The following ABCA12 variants were observed in gnomAD, a reference collection of about 807,000 sequenced individuals.
ABCA12 encodes ATP binding cassette subfamily A member 12, also known as glucosylceramide transporter ABCA12.
A neutral mutation model predicts 293.5 loss-of-function variants in ABCA12; 156 were observed. The observed-to-expected ratio is 0.53, with a 90% confidence interval of 0.47 to 0.61. The LOEUF is 0.61. Among genes scored for constraint, ABCA12 ranks in the 20% least tolerant of loss-of-function variants. ABCA12 has a pLI of 0.00. For synonymous variants in ABCA12, 1,063 were observed against 1,108.0 expected (o/e 0.96, Z 0.81); for missense variants, 2,797 against 3,090.2 (o/e 0.91, Z 2.25).
chr2:215,125,011 T>C (rs1326014964), intron 1 of ABCA12, among the ~76,000 whole-genome samples: 1 of 152,204 alleles, frequency 6.6e-6, no homozygotes, highest in African/African-American at 2.4e-5. Context: ...AGTTTCATCC[T>C]CCTACATGTG....
At position 214,931,604 on chromosome 2, in the gene ABCA12, A is replaced by G. The variant is rs1287788228; in HGVS notation, c.*1030T>C. 2 of 152,704 alleles carry G rather than the reference A, an allele frequency of 1.3e-5. No homozygotes were observed. The highest frequency in any genetic ancestry group is 6.5e-5 in the Admixed American group (1 of 15,298). 9.5% of individuals were successfully genotyped at this position (152,704 alleles called of 1,614,324 possible). ...ACAAACAGTCATGCCAAAGCTGACAAACTTGTATAGATACACACACATACA... is the reference window on the plus strand; with the variant it reads ...ACAAACAGTCATGCCAAAGCTGACAGACTTGTATAGATACACACACATACA... On this transcript the variant is annotated 3_prime_UTR_variant, in exon 53 of 53. Coordinates refer to ENST00000272895, the MANE Select transcript of ABCA12 (RefSeq NM_173076.3).
Position 215,064,167 on chromosome 2 carries a change from C to T in ABCA12, c.216G>A (p.Gln72=), listed in dbSNP as rs1229242588. ...TAGAGTCTGTGTCACAGAGTAGGGTCTGCAGGAATGGAAAGAATCCAGTAC... is the reference window on the plus strand; with the variant it reads ...TAGAGTCTGTGTCACAGAGTAGGGTTTGCAGGAATGGAAAGAATCCAGTAC... The part of the protein sequence containing the change: ...LPSTGFFPFL[Q]TLLCDTDSKC... The change falls in exon 3 of 53, where the codon CAG becomes CAA. Residue 72 remains glutamine (Q), a synonymous_variant. Transcript: ENST00000272895. 1 of 1,612,772 alleles carries T rather than the reference C, an allele frequency of 6.2e-7. No individual in the cohort carries two copies. Among genetic ancestry groups the T allele is most frequent in the South Asian group, 1.1e-5 (1 of 91,060 alleles).
intron 2 of ABCA12, among the ~76,000 whole-genome samples, chr2:215,087,182 T>C (rs1224252010): frequency 1.3e-5 from 2 of 152,144 alleles, no homozygotes; most frequent in African/African-American, 2.4e-5. Context: ...CCTCAGGTGA[T>C]GCACCCACCT....
intron 11 of ABCA12, among the ~76,000 whole-genome samples, chr2:215,021,066 G>T (rs1177871397): frequency 1.3e-5 from 2 of 152,146 alleles, no homozygotes; most frequent in Non-Finnish European, 2.9e-5. Context: ...GCCCTGGCTG[G>T]TCTCACTCTT....
intron 8 of ABCA12, chr2:215,032,157 T>C: frequency 7.8e-7 from 1 of 1,287,990 alleles, no homozygotes; most frequent in Non-Finnish European, 1.0e-6. Context: ...TGTCTGTGCA[T>C]CAAGCCACTA....
At chr2:214,935,544 C>T (rs1379125494) in intron 51 of ABCA12, among the ~76,000 whole-genome samples, 1 of 152,124 alleles carries the variant, frequency 6.6e-6, no homozygotes, top group Non-Finnish European at 1.5e-5. Flanking sequence ...CAGCTGTAAT[C>T]CCAGTGCTTT....
At chr2:215,022,151 T>C (rs376923547) in intron 11 of ABCA12, 5 of 152,338 alleles carry the variant, frequency 3.3e-5, no homozygotes, top group African/African-American at 9.6e-5. Flanking sequence ...TTTGTTTTAA[T>C]TGAGCTTTGA....
rs1698953714 is a variant in ABCA12 at position 214,956,520 on chromosome 2, A to G, written c.6233+143T>C. On this transcript the variant is annotated intron_variant, in intron 42 of 52. Coordinates refer to ENST00000272895, the MANE Select transcript of ABCA12 (RefSeq NM_173076.3). ...ATACTTTGCAGTCTATGGACTAGCA[A>G]GTGCAATGTGTTGTTAGTCATCACT... The G allele has an allele frequency of 1.1e-5, 7 of 635,436 alleles. No individual in the cohort carries two copies. The South Asian group carries it at 1.3e-4, about 12-fold the overall frequency. The allele number at this position is 635,436 out of a possible 1,614,324, so 39.4% of individuals were successfully genotyped here. A position where few individuals can be genotyped will look rare whatever the true frequency, so the allele number is the denominator to read the frequency against.
chr2:215,120,034 T>C (rs974877763), intron 1 of ABCA12, among the ~76,000 whole-genome samples: 2 of 152,082 alleles, frequency 1.3e-5, no homozygotes, highest in African/African-American at 2.4e-5. Flanking sequence ...CAATGGTGAA[T>C]TGGATAAAGA....
At chr2:214,939,041 G>A (rs144062303) in intron 50 of ABCA12, among the ~76,000 whole-genome samples, 1,670 of 152,282 alleles carry the variant, frequency 0.011, 32 homozygotes, top group African/African-American at 0.037. Context: ...CCACGCCTGT[G>A]TCTTGAATGG....
chr2:215,057,534 G>C (rs2106065038), intron 3 of ABCA12, among the ~76,000 whole-genome samples: 1 of 152,188 alleles, frequency 6.6e-6, no homozygotes, highest in African/African-American at 2.4e-5. Flanking sequence ...GATATGGAAT[G>C]AGGCACAGGC....
chr2:215,090,610 GAC>G (rs1034729140), intron 2 of ABCA12, among the ~76,000 whole-genome samples: 1 of 152,090 alleles, frequency 6.6e-6, no homozygotes, highest in African/African-American at 2.4e-5. Flanking sequence ...GACTCGAGAA[GAC>G]AGTCTTCCCT....
rs1701360498 is a variant in ABCA12, at chr2:215,053,552, A to C, written c.410-968T>G. Among the ~76,000 whole-genome samples, 3 of 152,218 alleles carry C rather than the reference A, an allele frequency of 2.0e-5. No individual in the cohort carries two copies. In the South Asian group the frequency reaches 6.2e-4, roughly 32 times the overall value. Reference sequence around the variant, plus strand: ...CTACGGTGCTTTAACCTACTCAGCCAAAGACCCACAGATCATTCATAACAG... The same window carrying C: ...CTACGGTGCTTTAACCTACTCAGCCCAAGACCCACAGATCATTCATAACAG... On this transcript the variant is annotated intron_variant, in intron 4 of 52. Coordinates refer to ENST00000272895, the MANE Select transcript of ABCA12 (RefSeq NM_173076.3).
intron 26 of ABCA12, among the ~76,000 whole-genome samples, chr2:214,988,971 A>G (rs1008286445): frequency 6.6e-6 from 1 of 151,150 alleles, no homozygotes; most frequent in African/African-American, 2.4e-5. Context: ...TTGAGATCAG[A>G]AGCTCGAGAG....
intron 2 of ABCA12, among the ~76,000 whole-genome samples, chr2:215,074,217 C>G (rs531193258): frequency 1.3e-5 from 2 of 152,224 alleles, no homozygotes; most frequent in East Asian, 3.9e-4. Context: ...TTGTTTTTCC[C>G]CCTCTCAGGA....
chr2:215,007,956 C>T (rs1700290551), intron 18 of ABCA12, 110 bp from the exon 19 acceptor site: 2 of 1,401,042 alleles, frequency 1.4e-6, no homozygotes, highest in Admixed American at 3.8e-5. Flanking sequence ...AGTTCTAAAA[C>T]ATGAAGTTAG....
chr2:215,135,434 A>C (rs1703204736), intron 1 of ABCA12, among the ~76,000 whole-genome samples: 1 of 152,118 alleles, frequency 6.6e-6, no homozygotes, highest in South Asian at 2.1e-4. Flanking sequence ...TTTGTGATGG[A>C]ATTTCTAAAA....
rs762943882 is a variant in ABCA12, at chr2:215,064,183, A to T, written c.200T>A (p.Phe67Tyr). 19 of 1,612,864 alleles carry T rather than the reference A, an allele frequency of 1.2e-5. No individual in the cohort carries two copies. The Admixed American group carries it at 1.5e-4, about 13-fold the overall frequency. ...GAGTAGGGTCTGCAGGAATGGAAAG[A>T]ATCCAGTACTAGGAAGGTTTCGAGG... is the stretch of plus-strand genomic sequence containing the variant. ...LAPRNLPSTGFFPFLQTLLCD... is the reference protein window; with the variant it reads ...LAPRNLPSTGYFPFLQTLLCD... The change falls in exon 3 of 53, where the codon TTC becomes TAC. Residue 67 changes from phenylalanine to tyrosine, a missense_variant. Coordinates refer to ENST00000272895, the MANE Select transcript of ABCA12 (RefSeq NM_173076.3).
intron 42 of ABCA12, 126 bp from the exon 43 acceptor site, chr2:214,955,487 G>T: frequency 1.1e-6 from 1 of 915,800 alleles, no homozygotes; most frequent in Non-Finnish European, 1.7e-6. Flanking sequence ...TTTGAGACCA[G>T]CCTGAGCAAC....
Sources: gnomAD v4.1 joint callset for allele counts (sites outside exome capture counted in the v4.1 genomes callset) on GRCh38, gnomAD v4.1.1 for gene constraint, MANE v1.5 for transcripts, NCBI Gene and HGNC (gene_info 2026-07-23, HGNC 2026-07-21) for gene names.